The following B4GALNT2 variants were observed in gnomAD, a reference collection of about 807,000 sequenced individuals.
The protein encoded by B4GALNT2 is beta-1,4-N-acetyl-galactosaminyltransferase 2 (SID blood group).
In B4GALNT2, 42 loss-of-function variants were observed where a neutral mutation model predicts 51.1. That is an observed-to-expected ratio of 0.82 (90% CI 0.64 to 1.06). The LOEUF (loss-of-function observed/expected upper bound fraction) is 1.06. B4GALNT2 is among the 50% of genes least tolerant of loss of function. The pLI is 0.00. For synonymous variants in B4GALNT2, 253 were observed against 251.7 expected (o/e 1.01, Z -0.05); for missense variants, 602 against 633.6 (o/e 0.95, Z 0.54).
intron 3 of B4GALNT2, among the ~76,000 whole-genome samples, chr17:49,145,014 G>T (rs142418939): frequency 6.6e-6 from 1 of 152,026 alleles, no homozygotes; most frequent in Admixed American, 6.6e-5. Context: ...ATTCGATGGC[G>T]TCTGATTAGA....
At chr17:49,135,634 A>G (rs543671076) in intron 1 of B4GALNT2, among the ~76,000 whole-genome samples, 2 of 152,244 alleles carry the variant, frequency 1.3e-5, no homozygotes, top group South Asian at 2.1e-4. Flanking sequence ...ATTTTGACCA[A>G]TAAAAAATCT....
In B4GALNT2 at chr17:49,173,426, T is replaced by C. The variant is rs541584535; in HGVS notation, c.*3698T>C. The C allele has an allele frequency of 1.3e-5, 2 of 152,346 alleles. No individual in the cohort carries two copies. The highest frequency in any genetic ancestry group is 4.8e-5 in the African/African-American group (2 of 41,586). The allele number at this position is 152,346 out of a possible 1,614,324, so 9.4% of individuals were successfully genotyped here. ...AAGCCAGAGTTAGAAGCTTTACCAT[T>C]ACTAGACCCATCTGTGAAGACATTT... On this transcript the variant is annotated 3_prime_UTR_variant, in exon 11 of 11. Coordinates refer to ENST00000393354, the MANE Select transcript of B4GALNT2 (RefSeq NM_001159387.2).
At chr17:49,133,094 C>A in intron 1 of B4GALNT2, 1 of 1,520,354 alleles carries the variant, frequency 6.6e-7, no homozygotes, top group Non-Finnish European at 8.7e-7. Flanking sequence ...GGGAATGTGT[C>A]TCGGGGACGC....
intron 1 of B4GALNT2, among the ~76,000 whole-genome samples, chr17:49,140,911 G>C (rs1357493882): frequency 6.6e-6 from 1 of 151,954 alleles, no homozygotes; most frequent in East Asian, 1.9e-4. Context: ...TAGAGGCTGG[G>C]TTTCACCATG....
At chr17:49,125,909 C>T in the B4GALNT2 span, among the ~76,000 whole-genome samples, 1 of 147,670 alleles carries the variant, frequency 6.8e-6, no homozygotes, top group East Asian at 2.1e-4. Context: ...CCAGCCGCAC[C>T]GTCTGGGAGG....
upstream of B4GALNT2, among the ~76,000 whole-genome samples, chr17:49,129,934 T>A (rs2042528896): frequency 6.6e-6 from 1 of 152,216 alleles, no homozygotes; most frequent in African/African-American, 2.4e-5. Flanking sequence ...TGGTGGTGCT[T>A]GTCCAAGATG....
chr17:49,128,364 G>T (rs570100279), upstream of B4GALNT2, among the ~76,000 whole-genome samples: 1 of 152,180 alleles, frequency 6.6e-6, no homozygotes, highest in African/African-American at 2.4e-5. Flanking sequence ...GGCAGGAGGG[G>T]CTGCCAGGGC....
intron 7 of B4GALNT2, 22 bp from the exon 8 acceptor site, chr17:49,164,066 A>C: frequency 1.9e-6 from 3 of 1,609,068 alleles, no homozygotes; most frequent in Non-Finnish European, 1.7e-6. Flanking sequence ...CAGAGCTCTG[A>C]CACCCACTGT....
rs1407870653 is a variant in B4GALNT2, at chr17:49,159,020, T to C, written c.499-17T>C. ...CCAATCCCTGCATTGAGCATCATTC[T>C]ACCTCACCCACCCTAGGTCACCCTG... On this transcript the variant is annotated splice_polypyrimidine_tract_variant and intron_variant, in intron 5 of 10. Coordinates refer to ENST00000393354, the MANE Select transcript of B4GALNT2 (RefSeq NM_001159387.2). The C allele has an allele frequency of 6.2e-6, 10 of 1,612,386 alleles. No individual in the cohort carries two copies. The highest frequency in any genetic ancestry group is 8.5e-6 in the Non-Finnish European group (10 of 1,178,832).
At position 49,171,332 on chromosome 17, in the gene B4GALNT2, G is replaced by T. The variant is rs953939801; in HGVS notation, c.*1604G>T. 21 of 405,780 alleles carry T rather than the reference G, an allele frequency of 5.2e-5. No homozygotes were observed. Among genetic ancestry groups the T allele is most frequent in the African/African-American group, 1.1e-4 (5 of 46,914 alleles). The allele number at this position is 405,780 out of a possible 1,614,324, so 25.1% of individuals were successfully genotyped here. On this transcript the variant is annotated 3_prime_UTR_variant, in exon 11 of 11. Transcript: ENST00000393354. Reference sequence around the variant, plus strand: ...CAAGTGTCTTTATCCACTTTAATGGGTTAATATCTGCTAATCTGTCTGCAG... The same window carrying T: ...CAAGTGTCTTTATCCACTTTAATGGTTTAATATCTGCTAATCTGTCTGCAG...
intron 1 of B4GALNT2, among the ~76,000 whole-genome samples, chr17:49,138,124 G>A (rs531769748): frequency 6.6e-6 from 1 of 152,228 alleles, no homozygotes; most frequent in South Asian, 2.1e-4. Flanking sequence ...TACAAGTATT[G>A]GGCAGGCCAT....
At chr17:49,144,303 A>G (rs2144289307) in intron 3 of B4GALNT2, among the ~76,000 whole-genome samples, 1 of 152,350 alleles carries the variant, frequency 6.6e-6, no homozygotes, top group South Asian at 2.1e-4. Context: ...TGGGGAACAC[A>G]TTCAAACCAT....
chr17:49,166,405 AGTG>A, intron 9 of B4GALNT2, 151 bp downstream of exon 9: 5 of 899,684 alleles, frequency 5.6e-6, no homozygotes, highest in Admixed American at 5.7e-5. Context: ...TGAATAGGCC[AGTG>A]CAACCCAGGT....
rs951741588 is a variant in B4GALNT2, at chr17:49,167,703, A to G, written c.1096-978A>G. Among the ~76,000 whole-genome samples the G allele has an allele frequency of 3.5e-5, 5 of 143,396 alleles. No individual in the cohort carries two copies. In the East Asian group the frequency reaches 6.1e-4, roughly 18 times the overall value. 94.1% of individuals were successfully genotyped at this position (143,396 alleles called of 152,430 possible). ...TGGCTCACTGCAGCCTCTGTCTCCC[A>G]GGTTCAAGGGATTCTCTTGCCTCAG... is the stretch of plus-strand genomic sequence containing the variant. On this transcript the variant is annotated intron_variant, in intron 9 of 10. Coordinates refer to ENST00000393354, the MANE Select transcript of B4GALNT2 (RefSeq NM_001159387.2).
the B4GALNT2 span, among the ~76,000 whole-genome samples, chr17:49,126,650 CTTTT>C: frequency 8.0e-5 from 7 of 88,022 alleles, no homozygotes; most frequent in Non-Finnish European, 7.7e-5. Flanking sequence ...TTCTTTCTTT[CTTTT>C]TTTTTTTTTT....
At chr17:49,144,589 A>G (rs897074724) in intron 3 of B4GALNT2, among the ~76,000 whole-genome samples, 1 of 152,114 alleles carries the variant, frequency 6.6e-6, no homozygotes, top group African/African-American at 2.4e-5. Flanking sequence ...AATCTCTGTA[A>G]AATGAGGATG....
chr17:49,148,157 G>T (rs1343803192), intron 3 of B4GALNT2, among the ~76,000 whole-genome samples: 1 of 151,806 alleles, frequency 6.6e-6, no homozygotes, highest in Non-Finnish European at 1.5e-5. Context: ...AAAATTAGTC[G>T]AGCGTGATGG....
chr17:49,132,998 G>C (rs369437724), intron 1 of B4GALNT2, 192 bp downstream of exon 1: 1 of 1,452,306 alleles, frequency 6.9e-7, no homozygotes, highest in Non-Finnish European at 9.0e-7. Flanking sequence ...GTGACGGCGC[G>C]TGCGGAACGA....
intron 8 of B4GALNT2, among the ~76,000 whole-genome samples, chr17:49,165,506 GTC>G (rs1359715675): frequency 3.2e-5 from 1 of 31,568 alleles, no homozygotes; most frequent in Non-Finnish European, 5.6e-5. Context: ...TCCCCCCACT[GTC>G]TCTCTCACTC....
Sources: gnomAD v4.1 joint callset for allele counts (sites outside exome capture counted in the v4.1 genomes callset) on GRCh38, gnomAD v4.1.1 for gene constraint, MANE v1.5 for transcripts, NCBI Gene and HGNC (gene_info 2026-07-23, HGNC 2026-07-21) for gene names.